Variants in ARMC3 observed in about 807,000 individuals in gnomAD.
ARMC3 encodes armadillo repeat containing 3.
ARMC3 carries 74 observed loss-of-function variants against 90.3 expected under a neutral mutation model. The observed-to-expected ratio is 0.82, with a 90% CI of 0.68 to 0.99. The LOEUF (loss-of-function observed/expected upper bound fraction) is 0.99, where lower values mean the gene tolerates loss of function less well. Among genes scored for constraint, ARMC3 ranks in the 50% least tolerant of loss-of-function variants. ARMC3 has a pLI of 0.00. For missense variants in ARMC3, 958 were observed against 1,042.8 expected (o/e 0.92, Z 1.12); for synonymous variants, 334 against 361.8 (o/e 0.92, Z 0.87).
At chr10:23,019,925 G>C (rs1047540870) in intron 16 of ARMC3, among the ~76,000 whole-genome samples, 1 of 152,192 alleles carries the variant, frequency 6.6e-6, no homozygotes, top group South Asian at 2.1e-4. Flanking sequence ...TTTCCACTCA[G>C]TGTAATGCCT....
intron 10 of ARMC3, 91 bp from the exon 11 acceptor site, chr10:22,998,056 GT>G: frequency 1.4e-6 from 2 of 1,379,750 alleles, no homozygotes; most frequent in Non-Finnish European, 2.0e-6. Flanking sequence ...TCGTATTTCT[GT>G]ACTCATTTGT....
At position 22,982,602 on chromosome 10, in the gene ARMC3, G is replaced by A. The variant is rs558847197; in HGVS notation, c.1175+902G>A. 1.2e-4 allele frequency among the ~76,000 whole-genome samples: 18 copies of A among 152,296 alleles called. No homozygotes were observed. The South Asian group carries it at 2.9e-3, about 25-fold the overall frequency. Reference sequence around the variant, plus strand: ...TATCGAAATAGCTGAGCTGGAAATCGATGCAGGTCTGTCAGACTCCAAAGT... The same window carrying A: ...TATCGAAATAGCTGAGCTGGAAATCAATGCAGGTCTGTCAGACTCCAAAGT... On this transcript the variant is annotated intron_variant, in intron 10 of 18. Transcript: ENST00000298032.
chr10:22,995,239 T>A (rs1276997489), intron 10 of ARMC3, among the ~76,000 whole-genome samples: 1 of 152,162 alleles, frequency 6.6e-6, no homozygotes, highest in Admixed American at 6.5e-5. Context: ...AAACAAACAA[T>A]TTTGTTTCAA....
intron 16 of ARMC3, among the ~76,000 whole-genome samples, chr10:23,013,705 A>T (rs1280071175): frequency 1.3e-5 from 2 of 152,250 alleles, no homozygotes; most frequent in Non-Finnish European, 2.9e-5. Context: ...CATGCTGTAC[A>T]TTAGATCTCC....
At chr10:23,009,001 G>A (rs1015960115) in intron 16 of ARMC3, 70 bp downstream of exon 16, 1 of 1,277,642 alleles carries the variant, frequency 7.8e-7, no homozygotes, top group Non-Finnish European at 1.1e-6. Context: ...TCTTCAGTAG[G>A]AAGCTTTCTT....
intron 4 of ARMC3, among the ~76,000 whole-genome samples, 157 bp from the exon 5 acceptor site, chr10:22,958,913 G>C (rs1228377896): frequency 6.6e-6 from 1 of 151,998 alleles, no homozygotes; most frequent in Non-Finnish European, 1.5e-5. Flanking sequence ...AGTAGGGTAG[G>C]GGTTTCACCA....
intron 4 of ARMC3, among the ~76,000 whole-genome samples, chr10:22,958,694 T>A (rs1315222150): frequency 6.6e-6 from 1 of 152,156 alleles, no homozygotes; most frequent in African/African-American, 2.4e-5. Context: ...ACCTGTCTCA[T>A]AAGGGACTGT....
chr10:22,981,116 G>A (rs962868103), intron 8 of ARMC3, among the ~76,000 whole-genome samples: 46 of 152,118 alleles, frequency 3.0e-4, no homozygotes, highest in Admixed American at 2.8e-3. Flanking sequence ...TTCCTTGGCC[G>A]TAGTATTGAT....
At chr10:22,990,446 T>TG (rs1277562050) in intron 10 of ARMC3, among the ~76,000 whole-genome samples, 1 of 152,202 alleles carries the variant, frequency 6.6e-6, no homozygotes, top group Non-Finnish European at 1.5e-5. Flanking sequence ...TGATCTTACG[T>TG]TTCCATGATC....
At chr10:22,971,258 G>C (rs1364240195) in intron 8 of ARMC3, among the ~76,000 whole-genome samples, 2 of 152,070 alleles carry the variant, frequency 1.3e-5, no homozygotes, top group Non-Finnish European at 2.9e-5. Context: ...TGCCTGTATA[G>C]ACCACATTTT....
intron 7 of ARMC3, among the ~76,000 whole-genome samples, chr10:22,966,851 G>T (rs1029698561): frequency 2.0e-5 from 3 of 152,108 alleles, no homozygotes; most frequent in African/African-American, 7.2e-5. Context: ...CAGCACGGGG[G>T]AACTGCCCCC....
chr10:23,003,003 A>C (rs1387069322), intron 12 of ARMC3, among the ~76,000 whole-genome samples: 2 of 152,218 alleles, frequency 1.3e-5, no homozygotes. Flanking sequence ...TGAACAAAGA[A>C]CTTTTTCCCC....
intron 16 of ARMC3, among the ~76,000 whole-genome samples, chr10:23,015,835 C>G (rs1838245316): frequency 6.6e-6 from 1 of 152,164 alleles, no homozygotes; most frequent in Admixed American, 6.5e-5. Context: ...CATGTAAACA[C>G]CTTCTTACCT....
intron 14 of ARMC3, 25 bp downstream of exon 14, chr10:23,007,006 T>C (rs1251514811): frequency 6.5e-7 from 1 of 1,545,544 alleles, no homozygotes; most frequent in African/African-American, 1.4e-5. Context: ...GGAGAGGGGA[T>C]GAAGGGAAGC....
chr10:22,948,330 C>T (rs1834617743), intron 3 of ARMC3, among the ~76,000 whole-genome samples: 1 of 151,898 alleles, frequency 6.6e-6, no homozygotes, highest in East Asian at 1.9e-4. Flanking sequence ...CTGGCTGTCA[C>T]GTGTATCTAA....
chr10:23,000,674 G>C (rs566353229), intron 11 of ARMC3, among the ~76,000 whole-genome samples: 15 of 152,306 alleles, frequency 9.8e-5, no homozygotes, highest in African/African-American at 3.6e-4. Context: ...CCTTATGCTT[G>C]CTAAGCATAA....
At chr10:22,985,796 T>C (rs1203382288) in intron 10 of ARMC3, among the ~76,000 whole-genome samples, 2 of 152,218 alleles carry the variant, frequency 1.3e-5, no homozygotes, top group Non-Finnish European at 2.9e-5. Flanking sequence ...AAATATATCC[T>C]GGAAGTAAAT....
At chr10:22,939,232 G>A (rs777952320) in intron 2 of ARMC3, among the ~76,000 whole-genome samples, 1 of 152,180 alleles carries the variant, frequency 6.6e-6, no homozygotes, top group Non-Finnish European at 1.5e-5. Flanking sequence ...TTAGGTGGCT[G>A]CAGTTTGCAG....
chr10:22,957,441 A>G (rs1358644918), intron 4 of ARMC3, among the ~76,000 whole-genome samples: 2 of 152,078 alleles, frequency 1.3e-5, no homozygotes, highest in African/African-American at 4.8e-5. Context: ...TGACTTTGAG[A>G]GCTCTGATGG....
Sources: allele counts gnomAD v4.1 joint callset (sites outside exome capture counted in the v4.1 genomes callset), GRCh38; gene constraint gnomAD v4.1.1; transcripts MANE v1.5; gene names NCBI Gene and HGNC (gene_info 2026-07-23, HGNC 2026-07-21).